The following SP140L variants were observed in gnomAD, a reference collection of about 807,000 sequenced individuals.
The protein encoded by SP140L is SP140 like nuclear body protein.
A neutral mutation model predicts 84.3 loss-of-function variants in SP140L; 64 were observed. The ratio of observed to expected loss-of-function variants is 0.76; its 90% CI spans 0.62 to 0.94. The LOEUF is 0.94. Among genes scored for constraint, SP140L ranks in the 40% least tolerant of loss-of-function variants. The pLI is 0.00. For synonymous variants in SP140L, 242 were observed against 236.9 expected (o/e 1.02, Z -0.20); for missense variants, 628 against 692.5 (o/e 0.91, Z 1.05).
intron 14 of SP140L, among the ~76,000 whole-genome samples, chr2:230,397,739 C>T (rs1315030295): frequency 1.3e-5 from 2 of 152,128 alleles, no homozygotes; most frequent in African/African-American, 4.8e-5. Context: ...TTTATACACA[C>T]CTTACCTCCA....
chr2:230,375,904 T>C (rs1411591481), intron 7 of SP140L, among the ~76,000 whole-genome samples: 2 of 152,188 alleles, frequency 1.3e-5, no homozygotes, highest in South Asian at 4.1e-4. Context: ...TACAAATCTT[T>C]TAGTTTGATG....
At chr2:230,362,188 G>A (rs868320699) in intron 5 of SP140L, among the ~76,000 whole-genome samples, 2 of 152,120 alleles carry the variant, frequency 1.3e-5, no homozygotes, top group African/African-American at 2.4e-5. Flanking sequence ...GCAGAATTGT[G>A]TACCCCATCC....
At chr2:230,354,878 AAAGAAAGAAAG>A (rs1482545391) in intron 2 of SP140L, among the ~76,000 whole-genome samples, 1 of 142,158 alleles carries the variant, frequency 7.0e-6, no homozygotes, top group African/African-American at 2.6e-5. Context: ...AGAAAGAAAG[AAAGAAAGAAAG>A]AAAGAAAGGA....
chr2:230,402,884 T>C lies in SP140L; in HGVS notation c.1731T>C (p.Asn577=), dbSNP rs1198685829. ...AAGTGTTTGCTATTCAGGAAACAAA[T>C]GGGAACAGTTGACTGGTTTAGTGGA... ...FKEVFAIQET[N]GNS The change falls in exon 19 of 19, where the codon AAT becomes AAC. Residue 577 remains asparagine, a synonymous_variant. Coordinates refer to ENST00000415673, the MANE Select transcript of SP140L (RefSeq NM_138402.6). 1 of 1,611,916 alleles carries C rather than the reference T, an allele frequency of 6.2e-7. No individual in the cohort carries two copies. Among genetic ancestry groups the C allele is most frequent in the Non-Finnish European group, 8.5e-7 (1 of 1,179,404 alleles).
chr2:230,390,352 T>C (rs547151373), intron 11 of SP140L, among the ~76,000 whole-genome samples: 24 of 152,238 alleles, frequency 1.6e-4, no homozygotes, highest in Non-Finnish European at 3.2e-4. Flanking sequence ...TCATATTCTC[T>C]CTCCCTTCTG....
intron 2 of SP140L, among the ~76,000 whole-genome samples, chr2:230,349,796 G>A (rs915582376): frequency 2.6e-5 from 4 of 152,136 alleles, no homozygotes; most frequent in Admixed American, 6.5e-5. Context: ...ATCACTCGAG[G>A]TCAGGAGTTT....
chr2:230,366,840 C>A (rs552010601), intron 5 of SP140L, among the ~76,000 whole-genome samples: 29 of 151,924 alleles, frequency 1.9e-4, no homozygotes, highest in African/African-American at 5.8e-4. Flanking sequence ...TCAAGTAATT[C>A]TCCTGCCTCA....
intron 7 of SP140L, among the ~76,000 whole-genome samples, chr2:230,382,828 G>A (rs555466234): frequency 2.6e-5 from 4 of 152,300 alleles, no homozygotes; most frequent in Admixed American, 2.6e-4. Flanking sequence ...CCCATAGTGT[G>A]CAGACAGGAG....
At chr2:230,327,690 A>C (rs1285832572) in intron 1 of SP140L, among the ~76,000 whole-genome samples, 1 of 152,156 alleles carries the variant, frequency 6.6e-6, no homozygotes, top group African/African-American at 2.4e-5. Context: ...ACCCTTTCAC[A>C]TCCCTCTGCC....
intron 2 of SP140L, among the ~76,000 whole-genome samples, chr2:230,347,568 C>T (rs529433871): frequency 2.8e-4 from 42 of 152,044 alleles, no homozygotes; most frequent in African/African-American, 9.6e-4. Flanking sequence ...CCATGCAGGT[C>T]GCTGGCTGGC....
intron 5 of SP140L, among the ~76,000 whole-genome samples, chr2:230,366,242 C>T (rs1049273366): frequency 4.6e-5 from 7 of 152,120 alleles, no homozygotes; most frequent in African/African-American, 1.7e-4. Context: ...TATTGTATTA[C>T]AGTCTGTCTC....
At chr2:230,389,558 C>T (rs1298740420) in intron 10 of SP140L, among the ~76,000 whole-genome samples, 1 of 152,156 alleles carries the variant, frequency 6.6e-6, no homozygotes, top group Non-Finnish European at 1.5e-5. Flanking sequence ...CTCTGGCTAC[C>T]TAACTGCAGC....
At chr2:230,391,942 T>C (rs570079505) in intron 11 of SP140L, 145 bp from the exon 12 acceptor site, 57 of 1,154,094 alleles carry the variant, frequency 4.9e-5, no homozygotes, top group Admixed American at 3.1e-4. Context: ...ATTTGGGGCC[T>C]CTGAAGTCTG....
chr2:230,393,395 TG>T lies in SP140L; in HGVS notation c.1108-17del. The stretch of plus-strand genomic sequence containing the variant: ...AGAAACGCAGGCTGACTATGTACCT[TG>T]GTCTTTTTATCTTTCAGGAAGGATC... On this transcript the variant is annotated intron_variant, in intron 12 of 18. Coordinates refer to ENST00000415673, the MANE Select transcript of SP140L (RefSeq NM_138402.6). The T allele has an allele frequency of 6.3e-7, 1 of 1,579,006 alleles. No individual in the cohort carries two copies. Among genetic ancestry groups the T allele is most frequent in the South Asian group, 1.2e-5 (1 of 83,678 alleles).
At chr2:230,399,126 C>T (rs114642898) in intron 14 of SP140L, among the ~76,000 whole-genome samples, 13 of 152,306 alleles carry the variant, frequency 8.5e-5, no homozygotes, top group Non-Finnish European at 1.8e-4. Context: ...CTGTCACAGA[C>T]CGGTTCTTTG....
chr2:230,365,176 G>A (rs2060828256), intron 5 of SP140L, among the ~76,000 whole-genome samples: 1 of 152,024 alleles, frequency 6.6e-6, no homozygotes, highest in Non-Finnish European at 1.5e-5. Flanking sequence ...CATAGACTAA[G>A]CCTACAAATA....
At chr2:230,390,257 C>T (rs777285879) in intron 11 of SP140L, among the ~76,000 whole-genome samples, 11 of 152,082 alleles carry the variant, frequency 7.2e-5, no homozygotes, top group Admixed American at 4.6e-4. Context: ...AAAGAGAAGG[C>T]AGGAACGTCA....
In SP140L at chr2:230,357,798, TCC is replaced by T; in HGVS notation, c.108-6_108-5del. ...GACCATTTTCATTTGGTGTCCTTTT[TCC>T]TTAGGCTGTTCACGGAAGACCAGGA... On this transcript the variant is annotated splice_polypyrimidine_tract_variant and splice_region_variant and intron_variant, in intron 2 of 18. Coordinates refer to ENST00000415673, the MANE Select transcript of SP140L (RefSeq NM_138402.6). 2 of 1,600,620 alleles carry T rather than the reference TCC, an allele frequency of 1.2e-6. No homozygotes were observed. Among genetic ancestry groups the T allele is most frequent in the Admixed American group, 1.8e-5 (1 of 55,196 alleles).
intron 9 of SP140L, 65 bp from the exon 10 acceptor site, chr2:230,388,494 A>C: frequency 7.5e-7 from 1 of 1,336,538 alleles, no homozygotes. Flanking sequence ...AATTTTTGAA[A>C]AGCAGCAATA....
Sources: gnomAD v4.1 joint callset for allele counts (sites outside exome capture counted in the v4.1 genomes callset) on GRCh38, gnomAD v4.1.1 for gene constraint, MANE v1.5 for transcripts, NCBI Gene and HGNC (gene_info 2026-07-23, HGNC 2026-07-21) for gene names.